The following GNAQ variants were observed in gnomAD, a reference collection of about 807,000 sequenced individuals.
GNAQ encodes the protein G protein subunit alpha q, also known as guanine nucleotide-binding protein G(q) subunit alpha.
GNAQ carries 8 observed loss-of-function variants against 43.9 expected under a neutral mutation model. The observed-to-expected ratio is 0.18, with a 90% CI of 0.11 to 0.33. The LOEUF is 0.33. Ranked by LOEUF, GNAQ falls within the 10% of genes least tolerant of loss-of-function variation. The pLI, the probability that GNAQ is intolerant of heterozygous loss-of-function variation, is 1.00. For synonymous variants in GNAQ, 155 were observed against 170.7 expected (o/e 0.91, Z 0.71); for missense variants, 158 against 450.8 (o/e 0.35, Z 5.88).
At chr9:78,010,811 AC>A (rs1444864685) in intron 1 of GNAQ, among the ~76,000 whole-genome samples, 1 of 152,152 alleles carries the variant, frequency 6.6e-6, no homozygotes, top group South Asian at 2.1e-4. Context: ...TAAAAACAGT[AC>A]AATGTTGAGG....
intron 5 of GNAQ, among the ~76,000 whole-genome samples, chr9:77,734,604 G>A (rs184798996): frequency 6.6e-6 from 1 of 152,278 alleles, no homozygotes; most frequent in Non-Finnish European, 1.5e-5. Context: ...ACTTTCCAGG[G>A]TGCAGATGCT....
intron 1 of GNAQ, among the ~76,000 whole-genome samples, chr9:77,979,248 C>T (rs1823339340): frequency 6.6e-6 from 1 of 151,508 alleles, no homozygotes; most frequent in African/African-American, 2.4e-5. Context: ...CCCAGTTACT[C>T]GGGACGCTGA....
intron 5 of GNAQ, among the ~76,000 whole-genome samples, chr9:77,759,854 G>T (rs1287929524): frequency 6.6e-6 from 1 of 151,768 alleles, no homozygotes; most frequent in Non-Finnish European, 1.5e-5. Flanking sequence ...AGTATATAAT[G>T]TTCTTAGTCC....
chr9:78,029,532 G>A (rs377111258), intron 1 of GNAQ, among the ~76,000 whole-genome samples: 5 of 151,708 alleles, frequency 3.3e-5, no homozygotes, highest in Admixed American at 2.6e-4. Context: ...ATTCCCCTAA[G>A]CCCAACTCTT....
chr9:77,991,478 T>A (rs1011826403), intron 1 of GNAQ, among the ~76,000 whole-genome samples: 1 of 152,294 alleles, frequency 6.6e-6, no homozygotes, highest in Admixed American at 6.5e-5. Context: ...ACTACGAGAT[T>A]GTCTTTTCTA....
At chr9:77,929,475 A>G (rs1829116269) in intron 1 of GNAQ, among the ~76,000 whole-genome samples, 1 of 152,156 alleles carries the variant, frequency 6.6e-6, no homozygotes, top group Non-Finnish European at 1.5e-5. Flanking sequence ...ACATTTTGAT[A>G]TATTTCTTTC....
chr9:77,734,794 G>A (rs963955525), intron 5 of GNAQ, among the ~76,000 whole-genome samples: 3 of 152,200 alleles, frequency 2.0e-5, no homozygotes, highest in Non-Finnish European at 1.5e-5. Flanking sequence ...GAGCCATCAT[G>A]CCCTTTACTT....
At chr9:77,858,820 A>T (rs1011767337) in intron 2 of GNAQ, among the ~76,000 whole-genome samples, 1 of 151,934 alleles carries the variant, frequency 6.6e-6, no homozygotes, top group African/African-American at 2.4e-5. Context: ...ACCTGTACAC[A>T]ACTAACAGCC....
At chr9:77,916,227 C>T (rs1377295822) in intron 2 of GNAQ, among the ~76,000 whole-genome samples, 2 of 152,142 alleles carry the variant, frequency 1.3e-5, no homozygotes, top group Non-Finnish European at 2.9e-5. Context: ...TGCTTGCAAG[C>T]AGAGAACCTT....
At chr9:77,838,617 C>A (rs2117866146) in intron 2 of GNAQ, among the ~76,000 whole-genome samples, 1 of 151,976 alleles carries the variant, frequency 6.6e-6, no homozygotes. Context: ...GGGGTTTCAC[C>A]ATGTTAGCTA....
At chr9:77,752,559 C>G (rs1358144208) in intron 5 of GNAQ, among the ~76,000 whole-genome samples, 2 of 152,192 alleles carry the variant, frequency 1.3e-5, no homozygotes, top group Admixed American at 1.3e-4. Flanking sequence ...AAGTAACTTG[C>G]TCCCAAACCC....
intron 5 of GNAQ, among the ~76,000 whole-genome samples, chr9:77,746,768 A>G (rs1234580893): frequency 6.6e-6 from 1 of 152,184 alleles, no homozygotes; most frequent in African/African-American, 2.4e-5. Context: ...ATTTTTACCT[A>G]CCATAATAGA....
In GNAQ at chr9:78,022,916, C is replaced by T. The variant is rs550230960; in HGVS notation, c.136+8184G>A. On this transcript the variant is annotated intron_variant, in intron 1 of 6. Transcript: ENST00000286548. Reference sequence around the variant, plus strand: ...GTAAAGGCCACTGCTATTGCCATCACCCTTAACTATCTGTATGGAAATACA... The same window carrying T: ...GTAAAGGCCACTGCTATTGCCATCATCCTTAACTATCTGTATGGAAATACA... Among the ~76,000 whole-genome samples, 179 of 152,346 alleles carry T rather than the reference C, an allele frequency of 1.2e-3. 2 individuals are homozygous for T. The highest frequency in any genetic ancestry group is 4.0e-3 in the African/African-American group (167 of 41,584).
At chr9:77,839,496 A>G (rs958953181) in intron 2 of GNAQ, among the ~76,000 whole-genome samples, 9 of 152,226 alleles carry the variant, frequency 5.9e-5, no homozygotes, top group Non-Finnish European at 1.3e-4. Context: ...TAGCCTTCAG[A>G]TTCCTCATTT....
intron 2 of GNAQ, among the ~76,000 whole-genome samples, chr9:77,889,637 G>A (rs987820941): frequency 6.6e-6 from 1 of 151,968 alleles, no homozygotes; most frequent in African/African-American, 2.4e-5. Context: ...TTTCCAATTT[G>A]CTGTGTTAAG....
At chr9:77,762,520 A>AG (rs1159958380) in intron 5 of GNAQ, among the ~76,000 whole-genome samples, 1 of 147,364 alleles carries the variant, frequency 6.8e-6, no homozygotes, top group Non-Finnish European at 1.5e-5. Flanking sequence ...CTGGGAGGTG[A>AG]GGGGCGCCTC....
At chr9:77,777,146 T>C (rs1308031274) in intron 5 of GNAQ, among the ~76,000 whole-genome samples, 4 of 152,232 alleles carry the variant, frequency 2.6e-5, no homozygotes, top group African/African-American at 7.2e-5. Flanking sequence ...AACAGTCTTA[T>C]AGTAAATGGT....
intron 5 of GNAQ, among the ~76,000 whole-genome samples, chr9:77,735,606 A>T (rs963991956): frequency 6.6e-6 from 1 of 152,162 alleles, no homozygotes; most frequent in African/African-American, 2.4e-5. Context: ...GCAGGATCAC[A>T]TTGTTATGTG....
rs149977075 is a variant in GNAQ at position 78,007,373 on chromosome 9, C to G, written c.136+23727G>C. ...TGATATAATTTCATAACCACAGATTCTAACGCTGATAAACTTATTCACTGC... is the reference window on the plus strand; with the variant it reads ...TGATATAATTTCATAACCACAGATTGTAACGCTGATAAACTTATTCACTGC... On this transcript the variant is annotated intron_variant, in intron 1 of 6. Coordinates refer to ENST00000286548, the MANE Select transcript of GNAQ (RefSeq NM_002072.5). Among the ~76,000 whole-genome samples, 12 of 149,546 alleles carry G rather than the reference C, an allele frequency of 8.0e-5. No homozygotes were observed. In the East Asian group the frequency reaches 2.4e-3, roughly 29 times the overall value.
Sources: gnomAD v4.1 joint callset for allele counts (sites outside exome capture counted in the v4.1 genomes callset) on GRCh38, gnomAD v4.1.1 for gene constraint, MANE v1.5 for transcripts, NCBI Gene and HGNC (gene_info 2026-07-23, HGNC 2026-07-21) for gene names.